DMAC2L: variants seen among roughly 807,000 people sequenced by gnomAD.
The protein encoded by DMAC2L is ATP synthase subunit s, mitochondrial.
In DMAC2L, 21 loss-of-function variants were observed where a neutral mutation model predicts 22.5. The observed-to-expected ratio is 0.93, with a 90% CI of 0.66 to 1.34. DMAC2L has a LOEUF of 1.34. DMAC2L is among the 40% of genes most tolerant of loss of function. The pLI, the probability that DMAC2L is intolerant of heterozygous loss-of-function variation, is 0.00. For missense variants in DMAC2L, 239 were observed against 246.5 expected, an observed-to-expected ratio of 0.97 and a Z score of 0.20; for synonymous variants, 86 against 89.5, an observed-to-expected ratio of 0.96 and a Z score of 0.22.
chr14:50,316,415 A>C (rs2031806779), intron 2 of DMAC2L, among the ~76,000 whole-genome samples: 2 of 152,060 alleles, frequency 1.3e-5, no homozygotes, highest in Admixed American at 1.3e-4. Flanking sequence ...CCAACTATTT[A>C]TCTTTGTTTT....
At chr14:50,311,928 AC>A (rs1323601937), upstream of DMAC2L, 2 of 1,519,042 alleles carry the variant, frequency 1.3e-6, no homozygotes, top group Admixed American at 4.0e-5. Flanking sequence ...ACAGGGAAAT[AC>A]GAACAGGGGC....
intron 4 of DMAC2L, among the ~76,000 whole-genome samples, chr14:50,323,295 T>C (rs2032443031): frequency 6.6e-6 from 1 of 151,758 alleles, no homozygotes; most frequent in Non-Finnish European, 1.5e-5. Flanking sequence ...TTCACCGTGT[T>C]AGCCAGGATG....
At chr14:50,313,995 CTT>C (rs1307274867) in intron 1 of DMAC2L, among the ~76,000 whole-genome samples, 2 of 152,244 alleles carry the variant, frequency 1.3e-5, no homozygotes, top group East Asian at 3.9e-4. Flanking sequence ...TTTATTGACT[CTT>C]TTTCATTCAG....
At chr14:50,313,733 A>G in intron 1 of DMAC2L, among the ~76,000 whole-genome samples, 1 of 152,202 alleles carries the variant, frequency 6.6e-6, no homozygotes, top group East Asian at 1.9e-4. Context: ...GATCTCATTC[A>G]GATTCCTCAT....
At chr14:50,318,735 T>A (rs2032021732) in intron 2 of DMAC2L, among the ~76,000 whole-genome samples, 1 of 152,208 alleles carries the variant, frequency 6.6e-6, no homozygotes, top group South Asian at 2.1e-4. Flanking sequence ...AAACTCTTAA[T>A]CATTAAGACC....
chr14:50,319,309 GT>G (rs1566556780), intron 2 of DMAC2L: 22 of 1,536,110 alleles, frequency 1.4e-5, no homozygotes, highest in Non-Finnish European at 1.9e-5. Context: ...AGGGTAGTTG[GT>G]TCTGTCTTCA....
Position 50,324,061 on chromosome 14 carries a change from A to T in DMAC2L, c.433A>T (p.Ile145Leu). 6.2e-7 allele frequency: 1 copy of T among 1,614,118 alleles called. No individual in the cohort carries two copies. The highest frequency in any genetic ancestry group is 8.5e-7 in the Non-Finnish European group (1 of 1,179,994). ...NLQKTILEMEIISCGNITDKG... is the reference protein window; with the variant it reads ...NLQKTILEMELISCGNITDKG... ...ACAAAAAACCATATTGGAAATGGAAATAATATCCTGTGGGAATATCACAGA... is the reference window on the plus strand; with the variant it reads ...ACAAAAAACCATATTGGAAATGGAATTAATATCCTGTGGGAATATCACAGA... Residue 145 changes from isoleucine (I) to leucine (L), a missense_variant, in exon 5 of 6, where the codon ATA (isoleucine) becomes TTA (leucine). Transcript: ENST00000557421.
Position 50,318,147 on chromosome 14 carries a change from T to C in DMAC2L, c.-5-3336T>C, listed in dbSNP as rs562531616. Among the ~76,000 whole-genome samples the C allele has an allele frequency of 1.2e-4, 19 of 152,352 alleles. No homozygotes were observed. In the South Asian group the frequency reaches 3.9e-3, roughly 32 times the overall value. ...CAGTAATTTAGTAGTGGTTATTTTC[T>C]AATTTGCGTTTAACTGGGTTCTTTT... On this transcript the variant is annotated intron_variant, in intron 2 of 5. Transcript: ENST00000557421.
In DMAC2L at chr14:50,326,847, T is replaced by C; in HGVS notation, c.*1124T>C. 1.3e-6 allele frequency: 1 copy of C among 781,864 alleles called. No homozygotes were observed. Among genetic ancestry groups the C allele is most frequent in the Non-Finnish European group, 1.6e-6 (1 of 644,804 alleles). The allele number at this position is 781,864 out of a possible 1,614,324, so 48.4% of individuals were successfully genotyped here. ...CTTGAGACCAGGAGTTTGAGACCAA[T>C]TTGGGCAACACAGTGAGACCCCATC... is the stretch of plus-strand genomic sequence containing the variant. On this transcript the variant is annotated 3_prime_UTR_variant, in exon 6 of 6. Transcript: ENST00000557421.
chr14:50,312,195 T>C, upstream of DMAC2L: 1 of 1,604,212 alleles, frequency 6.2e-7, no homozygotes, highest in Non-Finnish European at 8.5e-7. Context: ...AGAAGCCACT[T>C]GACCCTCCAC....
At position 50,313,121 on chromosome 14, in the gene DMAC2L, G is replaced by A. The variant is rs1337306130; in HGVS notation, c.-42+732G>A. On this transcript the variant is annotated intron_variant, in intron 1 of 5. Coordinates refer to ENST00000557421, the MANE Select transcript of DMAC2L (RefSeq NM_001382507.1). Reference sequence around the variant, plus strand: ...GGCGATGGGCTGTGTAATCTCTAAAGGACCTTCTAACTCTTTAAAATTGTC... The same window carrying A: ...GGCGATGGGCTGTGTAATCTCTAAAAGACCTTCTAACTCTTTAAAATTGTC... 17 of 1,351,728 alleles carry A rather than the reference G, an allele frequency of 1.3e-5. No individual in the cohort carries two copies. The East Asian group carries it at 3.7e-4, about 29-fold the overall frequency. 83.7% of individuals were successfully genotyped at this position (1,351,728 alleles called of 1,614,324 possible). A position where few individuals can be genotyped will look rare whatever the true frequency, so the allele number is the denominator to read the frequency against.
chr14:50,319,953 A>C (rs2032127609), intron 2 of DMAC2L, among the ~76,000 whole-genome samples: 1 of 152,078 alleles, frequency 6.6e-6, no homozygotes, highest in African/African-American at 2.4e-5. Flanking sequence ...TCCTTCCCCA[A>C]CTAGGCCCTT....
chr14:50,322,507 A>G lies in DMAC2L; in HGVS notation c.108-4A>G, dbSNP rs1298268616. On this transcript the variant is annotated splice_region_variant and splice_polypyrimidine_tract_variant and intron_variant, in intron 3 of 5. Coordinates refer to ENST00000557421, the MANE Select transcript of DMAC2L (RefSeq NM_001382507.1). ...GCAAACTGCTTTTTTTCTCTTGCCA[A>G]CAGGGTGGATTATGATCGCATCAGG... 4 of 1,590,854 alleles carry G rather than the reference A, an allele frequency of 2.5e-6. No homozygotes were observed. Among genetic ancestry groups the G allele is most frequent in the Non-Finnish European group, 3.4e-6 (4 of 1,163,636 alleles).
intron 2 of DMAC2L, among the ~76,000 whole-genome samples, chr14:50,315,875 G>C (rs1247129414): frequency 2.6e-5 from 4 of 152,104 alleles, no homozygotes; most frequent in Non-Finnish European, 5.9e-5. Context: ...ACATGCGTGT[G>C]CAAGTATCTT....
At chr14:50,321,175 T>C (rs978054435) in intron 2 of DMAC2L, 1 of 182,996 alleles carries the variant, frequency 5.5e-6, no homozygotes, top group Admixed American at 6.0e-5. Context: ...AGCAAATTCA[T>C]AGCTACAGCG....
intron 4 of DMAC2L, among the ~76,000 whole-genome samples, 192 bp from the exon 5 acceptor site, chr14:50,323,753 A>G (rs1265827882): frequency 6.6e-6 from 1 of 152,216 alleles, no homozygotes; most frequent in Non-Finnish European, 1.5e-5. Context: ...GGTCCTGTCC[A>G]TCAGCACAAG....
chr14:50,322,467 G>C (rs1306858775), intron 3 of DMAC2L, 44 bp from the exon 4 acceptor site: 1 of 1,556,146 alleles, frequency 6.4e-7, no homozygotes, highest in African/African-American at 1.4e-5. Flanking sequence ...TAACAAGCTA[G>C]TGATTATTGT....
intron 3 of DMAC2L, 143 bp from the exon 4 acceptor site, chr14:50,322,368 T>G: frequency 1.2e-6 from 1 of 826,518 alleles, no homozygotes; most frequent in Non-Finnish European, 1.6e-6. Context: ...TTGTTTTTTT[T>G]GCATGGATCT....
intron 4 of DMAC2L, chr14:50,322,928 TTTC>T: frequency 2.8e-6 from 4 of 1,428,756 alleles, no homozygotes; most frequent in Non-Finnish European, 3.7e-6. Flanking sequence ...ACTAAGCTTG[TTTC>T]TGTATGTCTC....
Sources: gnomAD v4.1 joint callset for allele counts (sites outside exome capture counted in the v4.1 genomes callset) on GRCh38, gnomAD v4.1.1 for gene constraint, MANE v1.5 for transcripts, NCBI Gene and HGNC (gene_info 2026-07-23, HGNC 2026-07-21) for gene names.